Variants in DOCK4 observed in about 807,000 individuals in gnomAD.
The protein encoded by DOCK4 is dedicator of cytokinesis 4.
Under a neutral mutation model 268.1 loss-of-function variants are expected in DOCK4, and 97 were observed. That is an observed-to-expected ratio of 0.36 (90% confidence interval 0.31 to 0.43). The LOEUF (loss-of-function observed/expected upper bound fraction) is 0.43. Ranked by LOEUF, DOCK4 falls within the 20% of genes least tolerant of loss-of-function variation. DOCK4 has a pLI of 1.00. For synonymous variants in DOCK4, 954 were observed against 887.2 expected, an observed-to-expected ratio of 1.08 and a Z score of -1.34; for missense variants, 2,145 against 2,455.7, an observed-to-expected ratio of 0.87 and a Z score of 2.67.
At chr7:111,984,445 A>G (rs897747227) in intron 6 of DOCK4, 55 bp from the exon 7 acceptor site, 174 of 1,489,902 alleles carry the variant, frequency 1.2e-4, no homozygotes, top group Non-Finnish European at 1.5e-4. Context: ...GAAATATGTT[A>G]AAAACAATTG....
intron 8 of DOCK4, among the ~76,000 whole-genome samples, chr7:111,970,171 G>T (rs1797593700): frequency 6.6e-6 from 1 of 152,086 alleles, no homozygotes; most frequent in Admixed American, 6.6e-5. Context: ...GTAAAAATAG[G>T]TTGATGAAGA....
chr7:111,762,506 T>G (rs765249640), intron 39 of DOCK4, among the ~76,000 whole-genome samples: 3 of 152,240 alleles, frequency 2.0e-5, no homozygotes, highest in East Asian at 1.9e-4. Context: ...GTTCATCCAT[T>G]TTGTAGCACA....
chr7:111,989,242 A>G, intron 5 of DOCK4, 79 bp from the exon 6 acceptor site: 2 of 1,566,390 alleles, frequency 1.3e-6, no homozygotes, highest in Non-Finnish European at 1.7e-6. Flanking sequence ...GAAAGGGAAG[A>G]GGCCCATTCT....
At chr7:111,755,218 G>A (rs1203251271) in intron 42 of DOCK4, among the ~76,000 whole-genome samples, 5 of 152,182 alleles carry the variant, frequency 3.3e-5, no homozygotes, top group Admixed American at 3.3e-4. Context: ...AGGTCACACA[G>A]CTATAGTAAT....
chr7:111,737,099 T>C (rs926345304), intron 49 of DOCK4, 110 bp from the exon 50 acceptor site: 25 of 900,422 alleles, frequency 2.8e-5, no homozygotes, highest in East Asian at 2.7e-4. Context: ...AAAATAATTT[T>C]TGTGTGATAT....
At chr7:112,105,480 A>T (rs1811055973) in intron 1 of DOCK4, among the ~76,000 whole-genome samples, 1 of 152,016 alleles carries the variant, frequency 6.6e-6, no homozygotes, top group Non-Finnish European at 1.5e-5. Context: ...AAAAATGTGA[A>T]CATTGTAACT....
chr7:111,752,510 T>A (rs1043761969), intron 42 of DOCK4, among the ~76,000 whole-genome samples: 5 of 151,654 alleles, frequency 3.3e-5, no homozygotes, highest in African/African-American at 1.2e-4. Flanking sequence ...GTTGGATTTT[T>A]AAAAAATCAT....
At chr7:111,760,909 G>T (rs1019847554) in intron 39 of DOCK4, among the ~76,000 whole-genome samples, 1 of 151,920 alleles carries the variant, frequency 6.6e-6, no homozygotes, top group African/African-American at 2.4e-5. Flanking sequence ...TAGATATGAC[G>T]GATCTCTGAC....
Position 112,018,177 on chromosome 7 carries a change from A to AC in DOCK4, c.38-14047_38-14046insG, listed in dbSNP as rs201040126. The stretch of plus-strand genomic sequence containing the variant: ...AAAAAAAAAAAAAAAAAAAAAAAAA[A>AC]AAACACAGGCAACCAGTATTCATGT... On this transcript the variant is annotated intron_variant, in intron 1 of 52. Transcript: ENST00000428084. 2.1e-4 allele frequency among the ~76,000 whole-genome samples: 17 copies of AC among 82,448 alleles called. 1 individual carries two copies. Among genetic ancestry groups the AC allele is most frequent in the African/African-American group, 5.3e-4 (14 of 26,606 alleles). 54.1% of individuals were successfully genotyped at this position (82,448 alleles called of 152,430 possible). A position where few individuals can be genotyped will look rare whatever the true frequency, so the allele number is the denominator to read the frequency against.
intron 1 of DOCK4, among the ~76,000 whole-genome samples, chr7:112,027,721 T>A (rs1802927947): frequency 6.6e-6 from 1 of 152,200 alleles, no homozygotes; most frequent in South Asian, 2.1e-4. Flanking sequence ...TATGGAGCCA[T>A]CAAGGCACAG....
intron 17 of DOCK4, 62 bp downstream of exon 17, chr7:111,876,968 G>A: frequency 7.8e-7 from 1 of 1,280,514 alleles, no homozygotes; most frequent in Non-Finnish European, 1.0e-6. Context: ...TACTGAATAT[G>A]CTTACCAAAA....
chr7:111,957,963 G>T (rs952448299), intron 8 of DOCK4, among the ~76,000 whole-genome samples: 10 of 152,148 alleles, frequency 6.6e-5, no homozygotes, highest in African/African-American at 2.4e-4. Context: ...TGCAAATGAT[G>T]TTTCCCCAGA....
chr7:112,134,516 G>A (rs576294678), intron 1 of DOCK4, among the ~76,000 whole-genome samples: 52 of 152,216 alleles, frequency 3.4e-4, no homozygotes, highest in Non-Finnish European at 5.4e-4. Context: ...TCAGGAGATC[G>A]AGACCATGCG....
intron 1 of DOCK4, among the ~76,000 whole-genome samples, chr7:112,099,079 C>T (rs371831965): frequency 2.8e-4 from 42 of 151,966 alleles, no homozygotes; most frequent in African/African-American, 9.9e-4. Flanking sequence ...GGCTTGAGCC[C>T]AGGAGTTTGA....
intron 27 of DOCK4, chr7:111,820,425 G>A (rs1186637612): frequency 6.6e-6 from 1 of 152,196 alleles, no homozygotes; most frequent in Non-Finnish European, 1.5e-5. Flanking sequence ...GGTTTGCTAT[G>A]GGAGTAACCT....
chr7:111,950,813 C>T (rs1795995496), intron 8 of DOCK4, among the ~76,000 whole-genome samples: 1 of 152,156 alleles, frequency 6.6e-6, no homozygotes, highest in African/African-American at 2.4e-5. Flanking sequence ...TCCTCATGAA[C>T]ATTTTATATC....
At chr7:111,945,020 G>C in intron 9 of DOCK4, 149 bp from the exon 10 acceptor site, 1 of 698,748 alleles carries the variant, frequency 1.4e-6, no homozygotes, top group Non-Finnish European at 2.5e-6. Flanking sequence ...TTTAAATCCT[G>C]TTCTAAAAAT....
intron 1 of DOCK4, among the ~76,000 whole-genome samples, chr7:112,163,489 A>C (rs1027058149): frequency 6.6e-6 from 1 of 152,198 alleles, no homozygotes; most frequent in South Asian, 2.1e-4. Context: ...TTATGACCTA[A>C]GCCAAAATCA....
intron 16 of DOCK4, among the ~76,000 whole-genome samples, chr7:111,883,860 C>G (rs1586262011): frequency 6.6e-6 from 1 of 152,046 alleles, no homozygotes; most frequent in Non-Finnish European, 1.5e-5. Context: ...CACCCTTGCT[C>G]AAGTATAAAA....
Sources: allele counts gnomAD v4.1 joint callset (sites outside exome capture counted in the v4.1 genomes callset), GRCh38; gene constraint gnomAD v4.1.1; transcripts MANE v1.5; gene names NCBI Gene and HGNC (gene_info 2026-07-23, HGNC 2026-07-21).